MYO3B: variants seen among roughly 807,000 people sequenced by gnomAD.
The protein encoded by MYO3B is myosin IIIB.
Under a neutral mutation model 174.6 loss-of-function variants are expected in MYO3B, and 156 were observed. That is an observed-to-expected ratio of 0.89 (90% CI 0.78 to 1.02). MYO3B has a LOEUF of 1.02. Ranked by LOEUF, MYO3B falls within the 50% of genes least tolerant of loss-of-function variation. MYO3B has a pLI of 0.00. For synonymous variants in MYO3B, 563 were observed against 569.1 expected, an observed-to-expected ratio of 0.99 and a Z score of 0.15; for missense variants, 1,632 against 1,639.4, an observed-to-expected ratio of 1.00 and a Z score of 0.08.
At chr2:170,186,427 T>C (rs2092463846) in intron 1 of MYO3B, among the ~76,000 whole-genome samples, 1 of 152,254 alleles carries the variant, frequency 6.6e-6, no homozygotes, top group Non-Finnish European at 1.5e-5. Flanking sequence ...ATCACATTGA[T>C]TGATTTGCAT....
rs559086883 is a variant in MYO3B, at chr2:170,537,448, A to ATTTTTTTTTTTTTTTTTT, written c.3576-5442_3576-5425dup. Among the ~76,000 whole-genome samples the ATTTTTTTTTTTTTTTTTT allele has an allele frequency of 2.2e-4, 12 of 54,824 alleles. 2 individuals are homozygous for ATTTTTTTTTTTTTTTTTT. In the East Asian group the frequency reaches 3.6e-3, roughly 17 times the overall value. The allele number at this position is 54,824 out of a possible 152,430, so 36.0% of individuals were successfully genotyped here. On this transcript the variant is annotated intron_variant, in intron 30 of 34. Coordinates refer to ENST00000408978, the MANE Select transcript of MYO3B (RefSeq NM_138995.5). ...ACCTTCTCTTATTAAGAGCTCTTTG[A>ATTTTTTTTTTTTTTTTTT]TTTTTTTTTTTTTTTTTTTTTTTTT... is the stretch of plus-strand genomic sequence containing the variant.
chr2:170,567,543 A>T (rs1692145614), intron 32 of MYO3B, among the ~76,000 whole-genome samples: 3 of 152,226 alleles, frequency 2.0e-5, no homozygotes, highest in Admixed American at 2.0e-4. Flanking sequence ...ACAAAACTCC[A>T]ATCAGAGCAG....
intron 7 of MYO3B, among the ~76,000 whole-genome samples, chr2:170,290,997 C>A (rs2093591869): frequency 6.6e-6 from 1 of 152,046 alleles, no homozygotes; most frequent in Admixed American, 6.6e-5. Flanking sequence ...TGCCTGTAAT[C>A]CCAGCACTTT....
In MYO3B at chr2:170,499,768, CAG is replaced by C. The variant is rs1687114038; in HGVS notation, c.3255_3256del (p.Lys1086GlufsTer16). ...WLGARRYKRV[R>X]EKREKGAIAI... is the part of the protein sequence containing the mutation. ...TTGGAGCCAGGAGATACAAAAGGGT[CAG>C]AGAGAAGAGAGAGAAGGGAGCCATT... On this transcript the variant is annotated frameshift_variant, in exon 27 of 35. Coordinates refer to ENST00000408978, the MANE Select transcript of MYO3B (RefSeq NM_138995.5). LOFTEE classifies it high-confidence loss of function. 1.2e-6 allele frequency: 2 copies of C among 1,613,834 alleles called. No homozygotes were observed. Among genetic ancestry groups the C allele is most frequent in the African/African-American group, 2.7e-5 (2 of 74,870 alleles).
intron 7 of MYO3B, among the ~76,000 whole-genome samples, chr2:170,265,879 G>A (rs2093379571): frequency 6.6e-6 from 1 of 152,056 alleles, no homozygotes. Flanking sequence ...AATTTTGTAT[G>A]AATACAACAT....
chr2:170,362,327 T>C (rs1056257168), intron 8 of MYO3B, among the ~76,000 whole-genome samples: 3 of 152,206 alleles, frequency 2.0e-5, no homozygotes, highest in African/African-American at 7.2e-5. Context: ...TTCTTCCCTT[T>C]CCATTTCCGT....
chr2:170,219,015 A>C (rs2092861758), intron 6 of MYO3B, among the ~76,000 whole-genome samples: 1 of 152,218 alleles, frequency 6.6e-6, no homozygotes, highest in Admixed American at 6.5e-5. Context: ...AGTGAACAGC[A>C]GGTGACTCTC....
At chr2:170,599,478 G>GT (rs36049663) in intron 32 of MYO3B, among the ~76,000 whole-genome samples, 4 of 152,080 alleles carry the variant, frequency 2.6e-5, no homozygotes, top group East Asian at 1.9e-4. Flanking sequence ...CGTTAAAAGG[G>GT]TTTTTTTGCC....
At chr2:170,314,879 T>A (rs1275322219) in intron 7 of MYO3B, among the ~76,000 whole-genome samples, 1 of 152,228 alleles carries the variant, frequency 6.6e-6, no homozygotes, top group East Asian at 1.9e-4. Flanking sequence ...CAATGTTGTA[T>A]TTCTTACTCA....
At chr2:170,498,144 G>A (rs945887602) in intron 25 of MYO3B, among the ~76,000 whole-genome samples, 4 of 152,120 alleles carry the variant, frequency 2.6e-5, no homozygotes, top group Non-Finnish European at 5.9e-5. Context: ...AATCAGTAGT[G>A]TTAGGCTGTG....
At chr2:170,369,447 G>A (rs2094223963) in intron 9 of MYO3B, 70 bp downstream of exon 9, 1 of 1,515,732 alleles carries the variant, frequency 6.6e-7, no homozygotes, top group East Asian at 2.3e-5. Context: ...GTTTTGATTT[G>A]CCCAGCATTA....
At chr2:170,562,742 T>C (rs576607677) in intron 32 of MYO3B, among the ~76,000 whole-genome samples, 20 of 152,318 alleles carry the variant, frequency 1.3e-4, no homozygotes, top group African/African-American at 4.3e-4. Flanking sequence ...GAAAGTATTT[T>C]TCAAACATTG....
chr2:170,488,524 G>A (rs1686218531), intron 25 of MYO3B, among the ~76,000 whole-genome samples: 1 of 152,146 alleles, frequency 6.6e-6, no homozygotes, highest in Admixed American at 6.5e-5. Flanking sequence ...CAGAAATAAA[G>A]ATGAATGTGT....
rs759776026 is a variant in MYO3B at position 170,178,292 on chromosome 2, G to A, written c.2+3G>A. ...GATTCAGAAAATAGGTCATCGATGT[G>A]AGTTGCAGTTATTTTCCTTCCAGCT... is the stretch of plus-strand genomic sequence containing the variant. On this transcript the variant is annotated splice_donor_region_variant and intron_variant, in intron 1 of 34. Transcript: ENST00000408978. The A allele has an allele frequency of 3.7e-6, 6 of 1,614,158 alleles. No homozygotes were observed. The East Asian group carries it at 1.3e-4, about 36-fold the overall frequency.
chr2:170,376,805 G>A (rs1558938916), intron 9 of MYO3B, among the ~76,000 whole-genome samples: 1 of 152,166 alleles, frequency 6.6e-6, no homozygotes, highest in Non-Finnish European at 1.5e-5. Context: ...GAAGCCAGCA[G>A]GCATTTCTCA....
At chr2:170,529,424 CCTT>C (rs1689200981) in intron 30 of MYO3B, among the ~76,000 whole-genome samples, 1 of 151,736 alleles carries the variant, frequency 6.6e-6, no homozygotes, top group African/African-American at 2.4e-5. Flanking sequence ...CTTCTGTCCT[CCTT>C]CTCTCCCTCC....
intron 22 of MYO3B, among the ~76,000 whole-genome samples, chr2:170,413,098 T>C (rs1232968905): frequency 6.6e-6 from 1 of 152,198 alleles, no homozygotes; most frequent in Admixed American, 6.5e-5. Context: ...ATCTACATTC[T>C]GAACAGGCAT....
Position 170,527,371 on chromosome 2 carries a change from T to A in MYO3B, c.3575+7831T>A, listed in dbSNP as rs542845596. On this transcript the variant is annotated intron_variant, in intron 30 of 34. Coordinates refer to ENST00000408978, the MANE Select transcript of MYO3B (RefSeq NM_138995.5). ...GTAAACCCATAGTGTTTGGGTAGAA[T>A]ATAGTCTACAGACATGTTTTGTTTG... 5.9e-5 allele frequency among the ~76,000 whole-genome samples: 9 copies of A among 152,356 alleles called. 1 individual carries two copies. In the South Asian group the frequency reaches 1.4e-3, roughly 25 times the overall value.
At chr2:170,361,569 G>A (rs535837441) in intron 8 of MYO3B, among the ~76,000 whole-genome samples, 1 of 152,330 alleles carries the variant, frequency 6.6e-6, no homozygotes, top group Non-Finnish European at 1.5e-5. Flanking sequence ...TGAAAGCGTA[G>A]CTTAAACATA....
Sources: allele counts gnomAD v4.1 joint callset (sites outside exome capture counted in the v4.1 genomes callset), GRCh38; gene constraint gnomAD v4.1.1; transcripts MANE v1.5; gene names NCBI Gene and HGNC (gene_info 2026-07-23, HGNC 2026-07-21).